The following ZNF160 variants were observed in gnomAD, a reference collection of about 807,000 sequenced individuals.
The protein encoded by ZNF160 is zinc finger protein 160.
A neutral mutation model predicts 13.1 loss-of-function variants in ZNF160; 9 were observed. The ratio of observed to expected loss-of-function variants is 0.69; its 90% CI spans 0.41 to 1.20. The LOEUF (loss-of-function observed/expected upper bound fraction) is 1.20. ZNF160 is among the 50% of genes most tolerant of loss of function. The pLI, the probability that ZNF160 is intolerant of heterozygous loss-of-function variation, is 0.01. For synonymous variants in ZNF160, 293 were observed against 333.2 expected (o/e 0.88, Z 1.31); for missense variants, 838 against 988.0 (o/e 0.85, Z 2.04).
At chr19:53,101,433 T>TA (rs55772095) in intron 1 of ZNF160, among the ~76,000 whole-genome samples, 2 of 148,224 alleles carry the variant, frequency 1.3e-5, no homozygotes. Flanking sequence ...AATATATATA[T>TA]TATTTAATAT....
chr19:53,081,672 G>A (rs2145727227), intron 3 of ZNF160, among the ~76,000 whole-genome samples: 1 of 152,182 alleles, frequency 6.6e-6, no homozygotes, highest in East Asian at 1.9e-4. Context: ...ACACTTATGG[G>A]AATGCAAATT....
At chr19:53,090,486 C>G (rs889180184) in intron 2 of ZNF160, among the ~76,000 whole-genome samples, 2 of 152,224 alleles carry the variant, frequency 1.3e-5, no homozygotes, top group African/African-American at 4.8e-5. Flanking sequence ...CTCTCTTTCT[C>G]CTGATCCCCT....
Position 53,067,630 on chromosome 19 carries a change from A to G in ZNF160, c.*447T>C, listed in dbSNP as rs1293332297. ...AAAAAACCTCAAATAACTCAGTGAA[A>G]CATTTCATAAGGTGAAGGTAACTGA... On this transcript the variant is annotated 3_prime_UTR_variant, in exon 6 of 6. Transcript: ENST00000683776. 6.4e-6 allele frequency: 1 copy of G among 155,300 alleles called. No individual in the cohort carries two copies. The highest frequency in any genetic ancestry group is 1.4e-5 in the Non-Finnish European group (1 of 70,250). 9.6% of individuals were successfully genotyped at this position (155,300 alleles called of 1,614,324 possible).
chr19:53,073,281 G>C, intron 5 of ZNF160: 1 of 1,555,288 alleles, frequency 6.4e-7, no homozygotes, highest in Non-Finnish European at 8.6e-7. Context: ...GTAAGACTGA[G>C]GATCAATGAC....
At chr19:53,094,930 T>A (rs2085166723) in intron 1 of ZNF160, among the ~76,000 whole-genome samples, 1 of 151,964 alleles carries the variant, frequency 6.6e-6, no homozygotes, top group East Asian at 1.9e-4. Flanking sequence ...CCTGCCCGCT[T>A]CCCACAGCCC....
rs765715747 is a variant in ZNF160 at position 53,068,553 on chromosome 19, G to A, written c.1981C>T (p.His661Tyr). ...ACCTTATGGGTAGTTAGGTTTGAATGCATACTAAAGGCTTTCCCACACTCA... is the reference window on the plus strand; with the variant it reads ...ACCTTATGGGTAGTTAGGTTTGAATACATACTAAAGGCTTTCCCACACTCA... ...CNECGKAFSMHSNLTTHKVIH... is the reference protein window; with the variant it reads ...CNECGKAFSMYSNLTTHKVIH... The change falls in exon 6 of 6, where the codon CAT becomes TAT. Residue 661 changes from histidine (H) to tyrosine (Y), a missense_variant. Around this residue, in one of 3 missense-constraint regions of ZNF160, gnomAD observed 400 missense variants for 538.9 expected, o/e 0.74. Transcript: ENST00000683776. 2.5e-6 allele frequency: 4 copies of A among 1,613,032 alleles called. No homozygotes were observed. The East Asian group carries it at 8.9e-5, about 36-fold the overall frequency.
intron 1 of ZNF160, among the ~76,000 whole-genome samples, chr19:53,092,215 G>GA (rs35240324): frequency 6.6e-6 from 1 of 151,930 alleles, no homozygotes; most frequent in Non-Finnish European, 1.5e-5. Flanking sequence ...ATCTGTTGTA[G>GA]AAAAAAAGCC....
At chr19:53,102,003 C>A (rs753652536) in intron 1 of ZNF160, among the ~76,000 whole-genome samples, 2 of 152,146 alleles carry the variant, frequency 1.3e-5, no homozygotes, top group African/African-American at 2.4e-5. Context: ...GTTCCTCTCC[C>A]CCATTTTGTG....
chr19:53,082,004 A>G (rs995619807), intron 3 of ZNF160, among the ~76,000 whole-genome samples: 1 of 152,236 alleles, frequency 6.6e-6, no homozygotes, highest in African/African-American at 2.4e-5. Context: ...TCCCTAGCGA[A>G]TTAATGCACA....
intron 3 of ZNF160, 101 bp downstream of exon 3, chr19:53,086,161 A>G: frequency 7.2e-7 from 1 of 1,397,814 alleles, no homozygotes; most frequent in Admixed American, 1.8e-5. Flanking sequence ...GCTAGCAAAC[A>G]TGTCAGGCAG....
intron 2 of ZNF160, among the ~76,000 whole-genome samples, chr19:53,088,740 A>C (rs1291224754): frequency 6.6e-6 from 1 of 152,154 alleles, no homozygotes; most frequent in African/African-American, 2.4e-5. Context: ...TCTAACACAG[A>C]ATATTTCACC....
chr19:53,068,745 C>A lies in ZNF160; in HGVS notation c.1789G>T (p.Asp597Tyr), dbSNP rs1366633493. 6.2e-7 allele frequency: 1 copy of A among 1,614,206 alleles called. No homozygotes were observed. Among genetic ancestry groups the A allele is most frequent in the Admixed American group, 1.7e-5 (1 of 60,026 alleles). ...HTGEKPYKCN[D>Y]CGRAFSDRSS... The stretch of plus-strand genomic sequence containing the variant: ...CGATCACTAAAGGCTCTGCCACAGT[C>A]ATTACACTTGTAAGGTTTTTCTCCA... Residue 597 changes from aspartate to tyrosine, a missense_variant, in exon 6 of 6, where the codon GAC (aspartate) becomes TAC (tyrosine). This residue lies in a region of ZNF160 where 400 missense variants were observed against 538.9 expected (regional missense o/e 0.74). Coordinates refer to ENST00000683776, the MANE Select transcript of ZNF160 (RefSeq NM_001322131.2).
rs781617572 is a variant in ZNF160 at position 53,070,008 on chromosome 19, G to T, written c.526C>A (p.Leu176Ile). Reference sequence around the variant, plus strand: ...CTTACTCCAAGCTGATTGTTCATAAGCTTGTTTTCTATGTCTCTTCTGTCG... The same window carrying T: ...CTTACTCCAAGCTGATTGTTCATAATCTTGTTTTCTATGTCTCTTCTGTCG... ...QRDRRDIENK[L>I]MNNQLGVSFH... The change falls in exon 6 of 6, where the codon CTT becomes ATT. Residue 176 changes from leucine (L) to isoleucine (I), a missense_variant. This residue lies in a region of ZNF160 where 387 missense variants were observed against 402.3 expected (regional missense o/e 0.96). Transcript: ENST00000683776. 3.1e-6 allele frequency: 5 copies of T among 1,614,026 alleles called. No homozygotes were observed. Among genetic ancestry groups the T allele is most frequent in the Non-Finnish European group, 2.5e-6 (3 of 1,179,982 alleles).
chr19:53,102,269 A>G (rs562079348), intron 1 of ZNF160, among the ~76,000 whole-genome samples: 9 of 151,756 alleles, frequency 5.9e-5, no homozygotes, highest in Non-Finnish European at 1.3e-4. Flanking sequence ...TCTCCCTGTT[A>G]AATCCCCTCT....
intron 1 of ZNF160, among the ~76,000 whole-genome samples, chr19:53,094,292 C>T (rs1389091566): frequency 6.6e-6 from 1 of 152,202 alleles, no homozygotes; most frequent in Non-Finnish European, 1.5e-5. Context: ...CCAGAGTTCT[C>T]TTTCTTCCAT....
intron 1 of ZNF160, among the ~76,000 whole-genome samples, chr19:53,099,154 C>T (rs1216494528): frequency 2.6e-5 from 4 of 152,006 alleles, no homozygotes; most frequent in Admixed American, 6.5e-5. Context: ...GTGATGGATG[C>T]GGAGACAGTG....
intron 5 of ZNF160, chr19:53,073,071 T>C: frequency 1.2e-6 from 1 of 840,318 alleles, no homozygotes; most frequent in Non-Finnish European, 1.6e-6. Context: ...ATAAGTCATC[T>C]CAAAAACCTA....
At chr19:53,089,837 C>T (rs922234678) in intron 2 of ZNF160, among the ~76,000 whole-genome samples, 4 of 151,828 alleles carry the variant, frequency 2.6e-5, no homozygotes, top group Middle Eastern at 3.4e-3. Context: ...CCGATGTTTC[C>T]CCCCAGGTTT....
intron 3 of ZNF160, among the ~76,000 whole-genome samples, chr19:53,080,694 T>C (rs962624108): frequency 1.3e-5 from 2 of 152,098 alleles, no homozygotes; most frequent in African/African-American, 4.8e-5. Flanking sequence ...ATGACCAACA[T>C]CACTTTTCAC....
Sources: allele counts gnomAD v4.1 joint callset (sites outside exome capture counted in the v4.1 genomes callset), GRCh38; gene constraint gnomAD v4.1.1; regional missense constraint gnomAD v4.1.1; transcripts MANE v1.5; gene names NCBI Gene and HGNC (gene_info 2026-07-23, HGNC 2026-07-21).